Variants in RBMS3 observed in about 807,000 individuals in gnomAD.
RBMS3 encodes the protein RNA-binding motif, single-stranded-interacting protein 3.
A neutral mutation model predicts 66.8 loss-of-function variants in RBMS3; 27 were observed. The observed-to-expected ratio is 0.40, with a 90% CI of 0.30 to 0.56. The LOEUF is 0.56. Among genes scored for constraint, RBMS3 ranks in the 20% least tolerant of loss-of-function variants. The pLI, the probability that RBMS3 is intolerant of heterozygous loss-of-function variation, is 0.40. For missense variants in RBMS3, 513 were observed against 549.5 expected (o/e 0.93, Z 0.66); for synonymous variants, 188 against 183.0 (o/e 1.03, Z -0.22).
rs950653942 is a variant in RBMS3, at chr3:29,570,337, C to A, written c.308-16777C>A. ...CCTTTGTTTTATAAGACATCCAATT[C>A]TTTTAGTTATTTAAAAATGTACAAT... On this transcript the variant is annotated intron_variant, in intron 3 of 14. Coordinates refer to ENST00000383767, the MANE Select transcript of RBMS3 (RefSeq NM_001003793.3). Among the ~76,000 whole-genome samples the A allele has an allele frequency of 3.3e-5, 5 of 152,172 alleles. No individual in the cohort carries two copies. The East Asian group carries it at 5.8e-4, about 18-fold the overall frequency.
chr3:29,872,082 C>A (rs564248981), intron 7 of RBMS3, among the ~76,000 whole-genome samples: 1 of 152,012 alleles, frequency 6.6e-6, no homozygotes, highest in African/African-American at 2.4e-5. Context: ...ATAAAATGAT[C>A]GAGGGATGGG....
intron 4 of RBMS3, among the ~76,000 whole-genome samples, chr3:29,722,419 G>A (rs1434907492): frequency 6.6e-6 from 1 of 151,982 alleles, no homozygotes; most frequent in Non-Finnish European, 1.5e-5. Context: ...TAATAACAAG[G>A]TAATTCATTT....
intron 3 of RBMS3, among the ~76,000 whole-genome samples, chr3:29,519,712 A>G (rs1372435474): frequency 2.6e-5 from 4 of 152,196 alleles, no homozygotes; most frequent in Non-Finnish European, 5.9e-5. Flanking sequence ...GATAGATTTT[A>G]CTATGGAAAT....
rs548424391 is a variant in RBMS3, at chr3:29,473,078, G to A, written c.249-15363G>A. Among the ~76,000 whole-genome samples the A allele has an allele frequency of 9.0e-4, 137 of 151,988 alleles. 1 individual carries two copies. Among genetic ancestry groups the A allele is most frequent in the African/African-American group, 3.1e-3 (127 of 41,394 alleles). On this transcript the variant is annotated intron_variant, in intron 2 of 14. Transcript: ENST00000383767. Reference sequence around the variant, plus strand: ...TCACAAACCTTGAGCTAGGCACAGGGTGCTGATTGGTGTGTTTACAAACCT... The same window carrying A: ...TCACAAACCTTGAGCTAGGCACAGGATGCTGATTGGTGTGTTTACAAACCT...
At chr3:29,762,377 C>G (rs1202293812) in intron 5 of RBMS3, among the ~76,000 whole-genome samples, 2 of 152,158 alleles carry the variant, frequency 1.3e-5, no homozygotes, top group Non-Finnish European at 2.9e-5. Context: ...GCAAGCCATG[C>G]AAATAAAACA....
intron 3 of RBMS3, among the ~76,000 whole-genome samples, chr3:29,538,370 C>A (rs953429761): frequency 6.6e-6 from 1 of 151,988 alleles, no homozygotes; most frequent in African/African-American, 2.4e-5. Flanking sequence ...AATAGTAAAC[C>A]AAGAGCACTA....
At chr3:29,670,172 G>T (rs921952638) in intron 4 of RBMS3, among the ~76,000 whole-genome samples, 5 of 152,108 alleles carry the variant, frequency 3.3e-5, no homozygotes, top group African/African-American at 9.7e-5. Context: ...CTTATTATGG[G>T]TTAAATGGCG....
chr3:29,473,487 T>A (rs915699649), intron 2 of RBMS3, among the ~76,000 whole-genome samples: 1 of 152,188 alleles, frequency 6.6e-6, no homozygotes, highest in East Asian at 1.9e-4. Flanking sequence ...TGCCTGCCAG[T>A]CCCGCGCCGT....
chr3:29,529,013 G>A (rs1011466581), intron 3 of RBMS3, among the ~76,000 whole-genome samples: 1 of 152,114 alleles, frequency 6.6e-6, no homozygotes, highest in African/African-American at 2.4e-5. Context: ...CAAAGTGCTG[G>A]GATTACAGGC....
rs148776479 is a variant in RBMS3 at position 29,665,542 on chromosome 3, C to T, written c.400-74178C>T. Reference sequence around the variant, plus strand: ...AGTTAATTTGTCAGGAATCGTGTCACGAACATAAACATTCTGATAATAGTC... The same window carrying T: ...AGTTAATTTGTCAGGAATCGTGTCATGAACATAAACATTCTGATAATAGTC... On this transcript the variant is annotated intron_variant, in intron 4 of 14. Coordinates refer to ENST00000383767, the MANE Select transcript of RBMS3 (RefSeq NM_001003793.3). Among the ~76,000 whole-genome samples the T allele has an allele frequency of 3.5e-3, 528 of 152,170 alleles. 6 individuals are homozygous for T. Among genetic ancestry groups the T allele is most frequent in the African/African-American group, 0.012 (510 of 41,532 alleles).
chr3:29,992,877 A>C (rs919188920), intron 14 of RBMS3, among the ~76,000 whole-genome samples: 1 of 152,174 alleles, frequency 6.6e-6, no homozygotes, highest in Non-Finnish European at 1.5e-5. Context: ...ACTTAGCAAG[A>C]TTCTTGCTAA....
chr3:29,408,735 C>G (rs562475289), intron 1 of RBMS3, among the ~76,000 whole-genome samples: 2 of 152,150 alleles, frequency 1.3e-5, no homozygotes, highest in South Asian at 4.1e-4. Context: ...TGTGTAATCG[C>G]TGTACCAACT....
Position 29,301,214 on chromosome 3 carries a change from G to C in RBMS3, c.75+19458G>C, listed in dbSNP as rs184900179. Among the ~76,000 whole-genome samples, 147 of 152,070 alleles carry C rather than the reference G, an allele frequency of 9.7e-4. 1 individual carries two copies. The highest frequency in any genetic ancestry group is 9.0e-3 in the Admixed American group (138 of 15,256). ...GGCGACATTTGAAGTTAATAAGTAT[G>C]AATGAGATTACCAAAAGTGAGGATA... On this transcript the variant is annotated intron_variant, in intron 1 of 14. Coordinates refer to ENST00000383767, the MANE Select transcript of RBMS3 (RefSeq NM_001003793.3).
intron 1 of RBMS3, among the ~76,000 whole-genome samples, chr3:29,417,625 ATATATT>A (rs1483331793): frequency 6.6e-6 from 1 of 152,200 alleles, no homozygotes; most frequent in Non-Finnish European, 1.5e-5. Context: ...TATTTGAGAA[ATATATT>A]TAAACAGACT....
At chr3:29,630,608 A>G (rs1453174516) in intron 4 of RBMS3, among the ~76,000 whole-genome samples, 1 of 152,026 alleles carries the variant, frequency 6.6e-6, no homozygotes, top group Non-Finnish European at 1.5e-5. Context: ...TCAACACAGT[A>G]TAGCAACTGG....
intron 2 of RBMS3, among the ~76,000 whole-genome samples, chr3:29,480,925 T>C (rs2043108853): frequency 1.3e-5 from 2 of 151,976 alleles, no homozygotes; most frequent in African/African-American, 4.8e-5. Flanking sequence ...GAGAAGCAGG[T>C]CTTCTTTTGA....
intron 1 of RBMS3, among the ~76,000 whole-genome samples, chr3:29,381,030 C>G (rs1193586908): frequency 6.6e-6 from 1 of 152,168 alleles, no homozygotes. Flanking sequence ...TCTCTCGATA[C>G]TCCATATGAT....
At chr3:29,701,886 G>T (rs59633741) in intron 4 of RBMS3, among the ~76,000 whole-genome samples, 2 of 151,974 alleles carry the variant, frequency 1.3e-5, no homozygotes, top group African/African-American at 4.8e-5. Context: ...CCACGGCGCC[G>T]CCCGGTCCCA....
At chr3:29,473,491 G>A (rs1456580960) in intron 2 of RBMS3, among the ~76,000 whole-genome samples, 10 of 152,212 alleles carry the variant, frequency 6.6e-5, no homozygotes, top group Non-Finnish European at 1.3e-4. Flanking sequence ...TGCCAGTCCC[G>A]CGCCGTGCGC....
Sources: allele counts gnomAD v4.1 joint callset (sites outside exome capture counted in the v4.1 genomes callset), GRCh38; gene constraint gnomAD v4.1.1; transcripts MANE v1.5; gene names NCBI Gene and HGNC (gene_info 2026-07-23, HGNC 2026-07-21).